CSRNP3: variants seen among roughly 807,000 people sequenced by gnomAD.
The protein encoded by CSRNP3 is cysteine/serine-rich nuclear protein 3.
CSRNP3 carries 12 observed loss-of-function variants against 48.0 expected under a neutral mutation model. The ratio of observed to expected loss-of-function variants is 0.25; its 90% confidence interval spans 0.16 to 0.41. The LOEUF (loss-of-function observed/expected upper bound fraction) is 0.41. Among genes scored for constraint, CSRNP3 ranks in the 10% least tolerant of loss-of-function variants. CSRNP3 has a pLI of 1.00. For synonymous variants in CSRNP3, 263 were observed against 269.7 expected, an observed-to-expected ratio of 0.98 and a Z score of 0.24; for missense variants, 580 against 724.4, an observed-to-expected ratio of 0.80 and a Z score of 2.29.
chr2:165,527,448 G>A (rs759097070), intron 3 of CSRNP3, among the ~76,000 whole-genome samples: 28 of 151,858 alleles, frequency 1.8e-4, no homozygotes, highest in East Asian at 9.7e-4. Context: ...CTCGTGATCC[G>A]TCCTGCTCAG....
rs535735410 is a variant in CSRNP3 at position 165,687,316 on chromosome 2, C to CTGT, written c.*7574_*7576dup. ...TGGCTGTACTAGGTTTTCATTTTTG[C>CTGT]TGTTGTTGTTGTTTGTTTTTGTGAT... On this transcript the variant is annotated 3_prime_UTR_variant, in exon 7 of 7. Coordinates refer to ENST00000651982, the MANE Select transcript of CSRNP3 (RefSeq NM_001172173.2). 1.3e-5 allele frequency: 2 copies of CTGT among 152,034 alleles called. No homozygotes were observed. Among genetic ancestry groups the CTGT allele is most frequent in the African/African-American group, 2.4e-5 (1 of 41,414 alleles). The allele number at this position is 152,034 out of a possible 1,614,324, so 9.4% of individuals were successfully genotyped here.
At chr2:165,486,294 A>G (rs1684115151) in intron 1 of CSRNP3, among the ~76,000 whole-genome samples, 1 of 152,194 alleles carries the variant, frequency 6.6e-6, no homozygotes, top group Non-Finnish European at 1.5e-5. Context: ...GGAGGGTCCT[A>G]CGCCCACAGA....
intron 3 of CSRNP3, among the ~76,000 whole-genome samples, chr2:165,565,434 C>G (rs907618016): frequency 1.3e-5 from 2 of 152,066 alleles, no homozygotes; most frequent in Admixed American, 6.6e-5. Context: ...TTAAGTGCCA[C>G]TACCTTCTAA....
At chr2:165,617,772 T>G (rs1686273412) in intron 4 of CSRNP3, among the ~76,000 whole-genome samples, 1 of 152,224 alleles carries the variant, frequency 6.6e-6, no homozygotes, top group South Asian at 2.1e-4. Context: ...TAGCCCATTC[T>G]TCAGCTCCCT....
At chr2:165,592,607 C>G (rs1264530981) in intron 3 of CSRNP3, among the ~76,000 whole-genome samples, 1 of 152,014 alleles carries the variant, frequency 6.6e-6, no homozygotes, top group South Asian at 2.1e-4. Context: ...GGGCAGTTAC[C>G]CTCATGCTGT....
At chr2:165,566,729 C>A (rs1685303027) in intron 3 of CSRNP3, 1 of 151,748 alleles carries the variant, frequency 6.6e-6, no homozygotes, top group Admixed American at 6.6e-5. Flanking sequence ...AATTATAGAA[C>A]CGTTTCATTA....
chr2:165,515,364 T>C (rs1358302665), intron 2 of CSRNP3, among the ~76,000 whole-genome samples: 1 of 150,614 alleles, frequency 6.6e-6, no homozygotes, highest in Admixed American at 6.6e-5. Flanking sequence ...TATCTGTAAA[T>C]TTAGATCACT....
intron 3 of CSRNP3, among the ~76,000 whole-genome samples, chr2:165,530,484 A>G (rs994059776): frequency 6.6e-6 from 1 of 152,216 alleles, no homozygotes; most frequent in Non-Finnish European, 1.5e-5. Flanking sequence ...GGATACACAA[A>G]TGAATAAAAG....
chr2:165,676,249 C>G, intron 5 of CSRNP3, 63 bp from the exon 6 acceptor site: 1 of 1,279,366 alleles, frequency 7.8e-7, no homozygotes, highest in Non-Finnish European at 1.1e-6. Flanking sequence ...TCACCCAGTA[C>G]AAACATACAG....
chr2:165,605,147 A>G (rs1043680538), intron 4 of CSRNP3, among the ~76,000 whole-genome samples: 2 of 152,014 alleles, frequency 1.3e-5, no homozygotes, highest in African/African-American at 4.8e-5. Context: ...ATCATTTTCA[A>G]TTCATCAATC....
At chr2:165,627,203 C>T (rs1012924055) in intron 4 of CSRNP3, among the ~76,000 whole-genome samples, 1 of 152,162 alleles carries the variant, frequency 6.6e-6, no homozygotes, top group African/African-American at 2.4e-5. Context: ...CAATATTCTT[C>T]TCCCTCTGGC....
intron 2 of CSRNP3, among the ~76,000 whole-genome samples, chr2:165,515,321 CAA>C (rs373110199): frequency 0.25 from 24,658 of 100,624 alleles, 2,265 homozygotes; most frequent in Middle Eastern, 0.29. Context: ...GACTCCATCT[CAA>C]AAAAAAAAAA....
chr2:165,482,811 G>A (rs896071200), intron 1 of CSRNP3, among the ~76,000 whole-genome samples: 3 of 151,906 alleles, frequency 2.0e-5, no homozygotes, highest in South Asian at 2.1e-4. Context: ...TTTTTCTACC[G>A]TGTCTCCAAA....
chr2:165,619,956 C>T (rs1038992748), intron 4 of CSRNP3, among the ~76,000 whole-genome samples: 3 of 152,064 alleles, frequency 2.0e-5, no homozygotes, highest in African/African-American at 4.8e-5. Flanking sequence ...AATTCTGAGA[C>T]GAAGGGTCTA....
chr2:165,503,377 G>A (rs972803927), intron 2 of CSRNP3, among the ~76,000 whole-genome samples: 2 of 151,790 alleles, frequency 1.3e-5, no homozygotes, highest in African/African-American at 4.8e-5. Flanking sequence ...CACATATAGT[G>A]TGATCATTGT....
intron 2 of CSRNP3, among the ~76,000 whole-genome samples, chr2:165,497,970 C>G (rs1574805251): frequency 1.3e-5 from 2 of 152,142 alleles, no homozygotes; most frequent in East Asian, 3.9e-4. Flanking sequence ...TTCTTATTGC[C>G]TTTTTGTGGC....
At chr2:165,574,122 T>C in intron 3 of CSRNP3, 1 of 489,126 alleles carries the variant, frequency 2.0e-6, no homozygotes, top group Non-Finnish European at 3.6e-6. Context: ...TGCTCTCCCG[T>C]GATTCAGGTA....
intron 2 of CSRNP3, among the ~76,000 whole-genome samples, chr2:165,513,148 G>A (rs1236759308): frequency 6.6e-6 from 1 of 152,100 alleles, no homozygotes; most frequent in Non-Finnish European, 1.5e-5. Context: ...GAAGATTGCT[G>A]TCTCCTGCTA....
intron 1 of CSRNP3, among the ~76,000 whole-genome samples, chr2:165,471,862 GA>G (rs201110293): frequency 0.012 from 1,790 of 149,082 alleles, 24 homozygotes; most frequent in Non-Finnish European, 0.016. Flanking sequence ...AGACAAGAGA[GA>G]AAAAAAAAGC....
Sources: gnomAD v4.1 joint callset for allele counts (sites outside exome capture counted in the v4.1 genomes callset) on GRCh38, gnomAD v4.1.1 for gene constraint, MANE v1.5 for transcripts, NCBI Gene and HGNC (gene_info 2026-07-23, HGNC 2026-07-21) for gene names.